Variants in TNFAIP8L3 observed in about 807,000 individuals in gnomAD.
TNFAIP8L3 encodes the protein tumor necrosis factor alpha-induced protein 8-like protein 3.
Under a neutral mutation model 11.8 loss-of-function variants are expected in TNFAIP8L3, and 7 were observed. The observed-to-expected ratio is 0.59, with a 90% CI of 0.34 to 1.11. TNFAIP8L3 has a LOEUF of 1.11. Ranked by LOEUF, TNFAIP8L3 falls within the 50% of genes most tolerant of loss-of-function variation. TNFAIP8L3 has a pLI of 0.03. For missense variants in TNFAIP8L3, 219 were observed against 258.6 expected (o/e 0.85, Z 1.05); for synonymous variants, 98 against 103.8 (o/e 0.94, Z 0.34).
chr15:51,059,275 A>G (rs1485925284), intron 1 of TNFAIP8L3, among the ~76,000 whole-genome samples: 1 of 152,218 alleles, frequency 6.6e-6, no homozygotes, highest in Non-Finnish European at 1.5e-5. Context: ...TTTCTACTTT[A>G]TGAATGAATG....
chr15:51,075,958 C>T (rs1441580808), intron 1 of TNFAIP8L3, among the ~76,000 whole-genome samples: 2 of 152,114 alleles, frequency 1.3e-5, no homozygotes, highest in African/African-American at 2.4e-5. Context: ...CCAGAAGGTA[C>T]TTCTGTATGG....
In TNFAIP8L3 at chr15:51,058,011, T is replaced by C; in HGVS notation, c.485A>G (p.Asn162Ser). 1 of 1,614,220 alleles carries C rather than the reference T, an allele frequency of 6.2e-7. No homozygotes were observed. Among genetic ancestry groups the C allele is most frequent in the Non-Finnish European group, 8.5e-7 (1 of 1,180,036 alleles). ...ATCGGCAAAGTGGTTAAAGACGTGG[T>C]TGATGCGCCCGTGGGTCCTGGGCGT... ...HLTPRTHGRI[N>S]HVFNHFADVE... The change falls in exon 2 of 2, where the codon AAC becomes AGC. Residue 162 changes from asparagine (N) to serine (S), a missense_variant. By Grantham distance (46) the Asn-to-Ser change is conservative. Transcript: ENST00000637513.
At chr15:51,059,301 TA>T (rs980618288) in intron 1 of TNFAIP8L3, among the ~76,000 whole-genome samples, 5 of 152,188 alleles carry the variant, frequency 3.3e-5, no homozygotes, top group Admixed American at 2.6e-4. Flanking sequence ...AATATATGTT[TA>T]AAAAAATCCA....
intron 1 of TNFAIP8L3, among the ~76,000 whole-genome samples, chr15:51,082,731 ATT>A (rs927838097): frequency 1.4e-4 from 21 of 152,110 alleles, no homozygotes; most frequent in African/African-American, 5.1e-4. Context: ...TTTTCTATTA[ATT>A]TTTTTCTTTT....
chr15:51,057,737 C>A lies in TNFAIP8L3; in HGVS notation c.*144G>T. Reference sequence around the variant, plus strand: ...AAAAACACACCTGAGCTCAGTTCAGCATCAGAATCAGCATCAGAGGGATGA... The same window carrying A: ...AAAAACACACCTGAGCTCAGTTCAGAATCAGAATCAGCATCAGAGGGATGA... On this transcript the variant is annotated 3_prime_UTR_variant, in exon 2 of 2. Transcript: ENST00000637513. 2 of 720,956 alleles carry A rather than the reference C, an allele frequency of 2.8e-6. No individual in the cohort carries two copies. The highest frequency in any genetic ancestry group is 1.8e-5 in the African/African-American group (1 of 56,480). 44.7% of individuals were successfully genotyped at this position (720,956 alleles called of 1,614,324 possible).
chr15:51,064,095 G>A (rs796908591), intron 1 of TNFAIP8L3, among the ~76,000 whole-genome samples: 2 of 152,152 alleles, frequency 1.3e-5, no homozygotes, highest in Non-Finnish European at 2.9e-5. Context: ...GTCATGTAGA[G>A]GAACCCAAAT....
chr15:51,074,365 C>G (rs926690606), intron 1 of TNFAIP8L3, among the ~76,000 whole-genome samples: 1 of 152,182 alleles, frequency 6.6e-6, no homozygotes, highest in East Asian at 1.9e-4. Context: ...TCTACTGGTC[C>G]CCTCTTGGTA....
chr15:51,060,464 C>T (rs1397038514), intron 1 of TNFAIP8L3, among the ~76,000 whole-genome samples: 4 of 152,196 alleles, frequency 2.6e-5, no homozygotes, highest in African/African-American at 9.7e-5. Context: ...TTTGTAGTCA[C>T]AGCTTCTAAA....
At chr15:51,088,173 C>T (rs955727565) in intron 1 of TNFAIP8L3, among the ~76,000 whole-genome samples, 2 of 151,798 alleles carry the variant, frequency 1.3e-5, no homozygotes, top group East Asian at 1.9e-4. Context: ...CATGTGAATT[C>T]GAATGGGAGC....
chr15:51,078,963 C>G (rs1046920742), intron 1 of TNFAIP8L3, among the ~76,000 whole-genome samples: 20 of 152,200 alleles, frequency 1.3e-4, no homozygotes, highest in Non-Finnish European at 8.8e-5. Context: ...AGCTACTGTT[C>G]TATTTTCCAC....
At chr15:51,104,200 AG>A (rs2065572983) in intron 1 of TNFAIP8L3, among the ~76,000 whole-genome samples, 1 of 151,990 alleles carries the variant, frequency 6.6e-6, no homozygotes, top group Non-Finnish European at 1.5e-5. Context: ...TTCTACCATG[AG>A]TCTCTTGATT....
chr15:51,072,148 A>AC (rs1555467058), intron 1 of TNFAIP8L3, among the ~76,000 whole-genome samples: 3 of 149,844 alleles, frequency 2.0e-5, no homozygotes, highest in Admixed American at 6.7e-5. Context: ...ACAGAAAGCT[A>AC]TTTTTTTTTT....
Position 51,094,731 on chromosome 15 carries a change from G to A in TNFAIP8L3, c.-136C>T, listed in dbSNP as rs1595620843. 2 of 981,560 alleles carry A rather than the reference G, an allele frequency of 2.0e-6. No individual in the cohort carries two copies. Among genetic ancestry groups the A allele is most frequent in the South Asian group, 9.1e-5 (2 of 21,946 alleles). The allele number at this position is 981,560 out of a possible 1,614,324, so 60.8% of individuals were successfully genotyped here. A position where few individuals can be genotyped will look rare whatever the true frequency, so the allele number is the denominator to read the frequency against. ...GGGCGGCGCGGGCTGGGCGGTGCGC[G>A]GCGGCAGCGGCCAGGGGGCGGCTCC... On this transcript the variant is annotated 5_prime_UTR_variant, in exon 1 of 2. Transcript: ENST00000637513. This position sits in a 1 kb window ranked among gnomAD's most constrained non-coding sequence, Gnocchi z 4.4.
At chr15:51,078,531 GTCC>G (rs974858400) in intron 1 of TNFAIP8L3, among the ~76,000 whole-genome samples, 2 of 151,828 alleles carry the variant, frequency 1.3e-5, no homozygotes, top group African/African-American at 4.8e-5. Context: ...CTCACTCAGG[GTCC>G]TCTTCTCTCG....
chr15:51,086,148 T>C (rs1429618973), intron 1 of TNFAIP8L3, among the ~76,000 whole-genome samples: 6 of 152,220 alleles, frequency 3.9e-5, no homozygotes, highest in African/African-American at 7.2e-5. Flanking sequence ...GGACCCAGCT[T>C]AAGCACACTT....
chr15:51,095,675 C>G (rs1378756246), upstream of TNFAIP8L3, among the ~76,000 whole-genome samples: 1 of 151,988 alleles, frequency 6.6e-6, no homozygotes, highest in East Asian at 1.9e-4. Context: ...CATTTGTAAA[C>G]CTATTTACTA....
intron 1 of TNFAIP8L3, among the ~76,000 whole-genome samples, chr15:51,078,140 A>G (rs2140973289): frequency 6.6e-6 from 1 of 152,286 alleles, no homozygotes; most frequent in African/African-American, 2.4e-5. Flanking sequence ...GGGAATGGCC[A>G]CGGCAGGACA....
At chr15:51,064,075 G>T (rs2065255690) in intron 1 of TNFAIP8L3, among the ~76,000 whole-genome samples, 2 of 152,284 alleles carry the variant, frequency 1.3e-5, no homozygotes, top group South Asian at 4.1e-4. Flanking sequence ...AAGCTTTAAA[G>T]ATCAAAAGTG....
intron 1 of TNFAIP8L3, chr15:51,064,613 CG>C (rs2065259141): frequency 6.6e-6 from 1 of 152,112 alleles, no homozygotes; most frequent in African/African-American, 2.4e-5. Flanking sequence ...CAGAGCTTAA[CG>C]GGGAAGCTGG....
Sources: allele counts gnomAD v4.1 joint callset (sites outside exome capture counted in the v4.1 genomes callset), GRCh38; gene constraint gnomAD v4.1.1; non-coding constraint Gnocchi (gnomAD v3.1); transcripts MANE v1.5; gene names NCBI Gene and HGNC (gene_info 2026-07-23, HGNC 2026-07-21).